The following FRAS1 variants were observed in gnomAD, a reference collection of about 807,000 sequenced individuals.
FRAS1 encodes extracellular matrix organizing protein FRAS1.
A neutral mutation model predicts 435.2 loss-of-function variants in FRAS1; 290 were observed. The observed-to-expected ratio is 0.67, with a 90% CI of 0.61 to 0.73. The LOEUF (loss-of-function observed/expected upper bound fraction) is 0.73. Ranked by LOEUF, FRAS1 falls within the 30% of genes least tolerant of loss-of-function variation. The pLI is 0.00. For synonymous variants in FRAS1, 1,800 were observed against 1,851.0 expected (o/e 0.97, Z 0.71); for missense variants, 4,860 against 5,001.5 (o/e 0.97, Z 0.85).
intron 32 of FRAS1, among the ~76,000 whole-genome samples, chr4:78,414,406 G>A (rs147767693): frequency 6.2e-4 from 94 of 152,304 alleles, no homozygotes; most frequent in African/African-American, 2.2e-3. Context: ...GCCTTTAGGC[G>A]CTTAGGTTGC....
chr4:78,320,298 A>G (rs345509), intron 18 of FRAS1, among the ~76,000 whole-genome samples: 6,421 of 152,228 alleles, frequency 0.042, 440 homozygotes, highest in African/African-American at 0.15. Flanking sequence ...GTTGCTGCCT[A>G]GTCCCAGTGC....
chr4:78,328,196 A>T (rs1729792900), intron 18 of FRAS1, among the ~76,000 whole-genome samples: 1 of 152,226 alleles, frequency 6.6e-6, no homozygotes, highest in Admixed American at 6.5e-5. Context: ...ACCTTTGTGC[A>T]CATTGAGTAA....
At position 78,464,563 on chromosome 4, in the gene FRAS1, G is replaced by A. The variant is rs1324721306; in HGVS notation, c.7009G>A (p.Ala2337Thr). The A allele has an allele frequency of 6.8e-6, 11 of 1,613,728 alleles. No homozygotes were observed. Among genetic ancestry groups the A allele is most frequent in the Non-Finnish European group, 9.3e-6 (11 of 1,179,832 alleles). Residue 2337 changes from alanine to threonine, a missense_variant, in exon 49 of 74, where the codon GCG becomes ACG. Coordinates refer to ENST00000512123, the MANE Select transcript of FRAS1 (RefSeq NM_025074.7). ...GACCATCACAGAGTTTGAGCTTAAG[G>A]CGGTGGATGCTGACACAGAGGTAAG... is the stretch of plus-strand genomic sequence containing the variant. ...RKTITEFELK[A>T]VDADTEAESV...
intron 2 of FRAS1, among the ~76,000 whole-genome samples, chr4:78,112,287 A>G (rs1663080924): frequency 6.6e-6 from 1 of 152,182 alleles, no homozygotes; most frequent in Admixed American, 6.6e-5. Flanking sequence ...ATCAACAAAT[A>G]CATATTGGGA....
chr4:78,391,662 G>A (rs374047457), intron 29 of FRAS1, among the ~76,000 whole-genome samples: 4 of 152,108 alleles, frequency 2.6e-5, no homozygotes, highest in African/African-American at 4.8e-5. Context: ...TCTTTGAGCA[G>A]TATTTTCTGC....
chr4:78,212,909 T>C (rs1042627953), intron 2 of FRAS1, among the ~76,000 whole-genome samples: 1 of 152,164 alleles, frequency 6.6e-6, no homozygotes, highest in Non-Finnish European at 1.5e-5. Context: ...AGAAGGTGCA[T>C]TGTGACACAG....
intron 5 of FRAS1, among the ~76,000 whole-genome samples, chr4:78,254,457 T>G (rs962546536): frequency 6.6e-6 from 1 of 152,190 alleles, no homozygotes; most frequent in Non-Finnish European, 1.5e-5. Context: ...GCTTGCCTGA[T>G]GCATTTCAGA....
intron 2 of FRAS1, among the ~76,000 whole-genome samples, chr4:78,214,280 T>A (rs143647957): frequency 2.5e-4 from 38 of 152,372 alleles, no homozygotes; most frequent in African/African-American, 8.9e-4. Flanking sequence ...AGTATGTGGT[T>A]GGATTAGGAA....
Position 78,482,449 on chromosome 4 carries a change from T to C in FRAS1, c.8666T>C (p.Phe2889Ser), listed in dbSNP as rs777342983. The change falls in exon 58 of 74, where the codon TTT (phenylalanine) becomes TCT (serine). Residue 2889 changes from phenylalanine to serine, a missense_variant. Transcript: ENST00000512123. ...CCGGTAATTGAAGGACTGGAGACAT[T>C]TGTGGTTTTCCTCAGCTCAGCACAA... ...QYPVIEGLETFVVFLSSAQGA... is the reference protein window; with the variant it reads ...QYPVIEGLETSVVFLSSAQGA... 9 of 1,613,852 alleles carry C rather than the reference T, an allele frequency of 5.6e-6. No individual in the cohort carries two copies. The highest frequency in any genetic ancestry group is 5.3e-5 in the African/African-American group (4 of 74,918).
At chr4:78,195,211 C>T (rs566141073) in intron 2 of FRAS1, among the ~76,000 whole-genome samples, 9 of 152,192 alleles carry the variant, frequency 5.9e-5, no homozygotes, top group Non-Finnish European at 1.2e-4. Context: ...TTAGGCTACT[C>T]GGGGGTCAGG....
chr4:78,246,507 T>C (rs1725257298), intron 4 of FRAS1, among the ~76,000 whole-genome samples: 2 of 152,232 alleles, frequency 1.3e-5, no homozygotes, highest in Admixed American at 1.3e-4. Context: ...TCAGACCACG[T>C]ATCACTATGT....
intron 57 of FRAS1, 95 bp downstream of exon 57, chr4:78,482,059 C>T (rs897214685): frequency 4.5e-5 from 55 of 1,232,554 alleles, no homozygotes; most frequent in Middle Eastern, 2.0e-4. Context: ...ACTCCCCTGG[C>T]GATATTCCTA....
At chr4:78,156,810 C>T (rs941779803) in intron 2 of FRAS1, among the ~76,000 whole-genome samples, 2 of 152,170 alleles carry the variant, frequency 1.3e-5, no homozygotes, top group Middle Eastern at 3.2e-3. Flanking sequence ...CAGAATACCT[C>T]TGTGGTGACT....
chr4:78,244,376 C>G (rs911658660), intron 3 of FRAS1, among the ~76,000 whole-genome samples: 10 of 152,030 alleles, frequency 6.6e-5, no homozygotes, highest in African/African-American at 2.4e-4. Flanking sequence ...GATCTCCTAC[C>G]ATTTTTGGTC....
At chr4:78,189,910 A>G (rs375919854) in intron 2 of FRAS1, among the ~76,000 whole-genome samples, 1 of 151,898 alleles carries the variant, frequency 6.6e-6, no homozygotes, top group South Asian at 2.1e-4. Context: ...CATCCAATGC[A>G]TATAAATTCT....
intron 64 of FRAS1, among the ~76,000 whole-genome samples, chr4:78,513,133 CT>C (rs1357316526): frequency 6.7e-6 from 1 of 149,612 alleles, no homozygotes; most frequent in Non-Finnish European, 1.5e-5. Context: ...GTGATGTTAT[CT>C]TTTCCTGTAT....
At chr4:78,156,037 C>T (rs534459602) in intron 2 of FRAS1, among the ~76,000 whole-genome samples, 11 of 152,262 alleles carry the variant, frequency 7.2e-5, no homozygotes, top group African/African-American at 2.2e-4. Context: ...GCTTGATGAT[C>T]GCTGACCAGT....
intron 2 of FRAS1, among the ~76,000 whole-genome samples, chr4:78,082,420 A>G (rs970669748): frequency 1.3e-5 from 2 of 152,158 alleles, no homozygotes; most frequent in Non-Finnish European, 2.9e-5. Context: ...TCAAAGTGTT[A>G]AGTAATTTCC....
At chr4:78,473,309 T>C (rs1578344839) in intron 52 of FRAS1, 129 bp from the exon 53 acceptor site, 1 of 663,002 alleles carries the variant, frequency 1.5e-6, no homozygotes, top group Non-Finnish European at 2.6e-6. Flanking sequence ...CTACTATACT[T>C]TTGGTGCTTG....
Sources: gnomAD v4.1 joint callset for allele counts (sites outside exome capture counted in the v4.1 genomes callset) on GRCh38, gnomAD v4.1.1 for gene constraint, MANE v1.5 for transcripts, NCBI Gene and HGNC (gene_info 2026-07-23, HGNC 2026-07-21) for gene names.